The following WWOX variants were observed in gnomAD, a reference collection of about 807,000 sequenced individuals.
WWOX encodes the protein WW domain-containing oxidoreductase.
Under a neutral mutation model 46.2 loss-of-function variants are expected in WWOX, and 69 were observed. That is an observed-to-expected ratio of 1.49 (90% CI 1.23 to 1.82). The LOEUF is 1.82. Among genes scored for constraint, WWOX ranks in the 40% most tolerant of loss-of-function variants. The probability of loss-of-function intolerance (pLI) is 0.00; values close to 1 mark genes in which losing one functional copy is unlikely to be tolerated. For missense variants in WWOX, 919 were observed against 542.6 expected (o/e 1.69, Z -6.89); for synonymous variants, 359 against 202.6 (o/e 1.77, Z -6.56).
intron 8 of WWOX, among the ~76,000 whole-genome samples, chr16:78,657,652 G>C (rs978768383): frequency 6.6e-6 from 1 of 152,070 alleles, no homozygotes; most frequent in South Asian, 2.1e-4. Context: ...GTCCCCTCTT[G>C]AATTTCCTTG....
chr16:78,618,497 C>T (rs977099711), intron 8 of WWOX, among the ~76,000 whole-genome samples: 11 of 152,136 alleles, frequency 7.2e-5, no homozygotes, highest in Non-Finnish European at 1.0e-4. Context: ...TGTGAGGGCA[C>T]TGGTCATATT....
At chr16:79,195,725 T>A (rs2051226962) in intron 8 of WWOX, among the ~76,000 whole-genome samples, 2 of 152,172 alleles carry the variant, frequency 1.3e-5, no homozygotes, top group African/African-American at 4.8e-5. Flanking sequence ...ATGATAATGG[T>A]TAAGTCAGAT....
At chr16:78,999,874 A>G (rs528958722) in intron 8 of WWOX, among the ~76,000 whole-genome samples, 63 of 152,314 alleles carry the variant, frequency 4.1e-4, no homozygotes, top group African/African-American at 1.5e-3. Flanking sequence ...CTTTATAAAA[A>G]ATTAAAAAGA....
intron 8 of WWOX, among the ~76,000 whole-genome samples, chr16:78,799,149 A>G (rs2050820129): frequency 6.6e-6 from 1 of 152,168 alleles, no homozygotes. Context: ...TGTCTTATGC[A>G]AGGCTATTAT....
chr16:78,180,880 C>T (rs1226226474), intron 5 of WWOX, among the ~76,000 whole-genome samples: 1 of 152,080 alleles, frequency 6.6e-6, no homozygotes, highest in Non-Finnish European at 1.5e-5. Flanking sequence ...TTGAGGGTGT[C>T]ATCGAGAGAG....
At chr16:78,121,822 C>G (rs866938285) in intron 4 of WWOX, among the ~76,000 whole-genome samples, 18 of 152,078 alleles carry the variant, frequency 1.2e-4, no homozygotes, top group Middle Eastern at 3.4e-3. Context: ...CCACCACTCC[C>G]TACTAATTTT....
intron 8 of WWOX, among the ~76,000 whole-genome samples, chr16:78,679,809 G>A (rs2047687451): frequency 6.6e-6 from 1 of 152,204 alleles, no homozygotes; most frequent in Admixed American, 6.5e-5. Flanking sequence ...CTTGCTGCCT[G>A]CAGAAAGAGA....
chr16:78,667,744 C>T (rs1234737935), intron 8 of WWOX, among the ~76,000 whole-genome samples: 1 of 151,352 alleles, frequency 6.6e-6, no homozygotes, highest in Admixed American at 6.6e-5. Flanking sequence ...TTACTCTGCT[C>T]ATTGTTCAAA....
chr16:78,451,187 A>C (rs1244437918), intron 8 of WWOX, among the ~76,000 whole-genome samples: 1 of 152,138 alleles, frequency 6.6e-6, no homozygotes, highest in African/African-American at 2.4e-5. Context: ...TTAAAATTAG[A>C]AATTAAACTC....
chr16:78,561,545 C>G (rs750723914), intron 8 of WWOX, among the ~76,000 whole-genome samples: 1 of 151,584 alleles, frequency 6.6e-6, no homozygotes, highest in Non-Finnish European at 1.5e-5. Context: ...ACCGGGAATC[C>G]GGGAGGCCAA....
chr16:79,013,558 C>T (rs1163449761), intron 8 of WWOX, among the ~76,000 whole-genome samples: 1 of 152,154 alleles, frequency 6.6e-6, no homozygotes, highest in African/African-American at 2.4e-5. Flanking sequence ...CAATGATGGC[C>T]AGAGACACTG....
intron 5 of WWOX, among the ~76,000 whole-genome samples, chr16:78,212,701 T>G (rs2036594744): frequency 6.6e-6 from 1 of 152,182 alleles, no homozygotes; most frequent in Non-Finnish European, 1.5e-5. Flanking sequence ...ATATTGCCCC[T>G]TGGGAGGCCT....
chr16:78,767,420 A>G (rs889857012), intron 8 of WWOX, among the ~76,000 whole-genome samples: 4 of 151,864 alleles, frequency 2.6e-5, no homozygotes, highest in Admixed American at 2.6e-4. Context: ...CTGCGCCACC[A>G]CACCTGCCAC....
chr16:78,612,961 C>T lies in WWOX; in HGVS notation c.1056+180209C>T, dbSNP rs116287842. On this transcript the variant is annotated intron_variant, in intron 8 of 8. Transcript: ENST00000566780. Reference sequence around the variant, plus strand: ...CCAGATGCTCTGGGGTCACTACCAACCTTGCCTTTCACCCTACCTGTGGAT... The same window carrying T: ...CCAGATGCTCTGGGGTCACTACCAATCTTGCCTTTCACCCTACCTGTGGAT... Among the ~76,000 whole-genome samples, 408 of 152,294 alleles carry T rather than the reference C, an allele frequency of 2.7e-3. 2 individuals carry two copies. Among genetic ancestry groups the T allele is most frequent in the African/African-American group, 9.3e-3 (385 of 41,558 alleles).
At chr16:78,828,101 A>C (rs1242852674) in intron 8 of WWOX, among the ~76,000 whole-genome samples, 1 of 152,148 alleles carries the variant, frequency 6.6e-6, no homozygotes, top group Non-Finnish European at 1.5e-5. Flanking sequence ...TGAGGCCTTA[A>C]TGACACCCCT....
chr16:78,480,350 G>A (rs2667560), intron 8 of WWOX, among the ~76,000 whole-genome samples: 25,240 of 152,152 alleles, frequency 0.17, 2,190 homozygotes, highest in African/African-American at 0.2. Context: ...GTTCCGAGAG[G>A]AAACATTATA....
intron 8 of WWOX, among the ~76,000 whole-genome samples, chr16:79,174,403 C>G (rs2050759790): frequency 6.6e-6 from 1 of 152,132 alleles, no homozygotes; most frequent in Non-Finnish European, 1.5e-5. Flanking sequence ...AATCCCAGCT[C>G]TTTGGGAGGC....
intron 4 of WWOX, among the ~76,000 whole-genome samples, chr16:78,150,011 G>GAGTC (rs1017295125): frequency 2.0e-5 from 3 of 152,130 alleles, no homozygotes; most frequent in Non-Finnish European, 4.4e-5. Context: ...TAACGACCCA[G>GAGTC]AGTCAGCACA....
intron 8 of WWOX, among the ~76,000 whole-genome samples, chr16:79,074,509 A>G (rs2048617502): frequency 7.4e-6 from 1 of 135,764 alleles, no homozygotes; most frequent in African/African-American, 2.8e-5. Context: ...GAATGGAGAG[A>G]CCTGGGATTT....
Sources: allele counts gnomAD v4.1 joint callset (sites outside exome capture counted in the v4.1 genomes callset), GRCh38; gene constraint gnomAD v4.1.1; transcripts MANE v1.5; gene names NCBI Gene and HGNC (gene_info 2026-07-23, HGNC 2026-07-21).